The following MORC3 variants were observed in gnomAD, a reference collection of about 807,000 sequenced individuals.
The protein encoded by MORC3 is MORC family CW-type zinc finger 3, also known as MORC family CW-type zinc finger protein 3.
In MORC3, 31 loss-of-function variants were observed where a neutral mutation model predicts 109.1. That is an observed-to-expected ratio of 0.28 (90% CI 0.21 to 0.38). The LOEUF is 0.38. Ranked by LOEUF, MORC3 falls within the 10% of genes least tolerant of loss-of-function variation. MORC3 has a pLI of 1.00. For synonymous variants in MORC3, 395 were observed against 380.7 expected, an observed-to-expected ratio of 1.04 and a Z score of -0.44; for missense variants, 867 against 1,135.8, an observed-to-expected ratio of 0.76 and a Z score of 3.40.
rs34981261 is a variant in MORC3, at chr21:36,356,065, TAAA to T, written c.1104-551_1104-549del. 3.4e-3 allele frequency among the ~76,000 whole-genome samples: 513 copies of T among 152,126 alleles called. 1 individual carries two copies. The highest frequency in any genetic ancestry group is 6.9e-3 in the Admixed American group (105 of 15,244). ...CATGTCATAAGGCACTTGAAGCAAATAAAAAACTTGAGCCCATCAAAATAGCAA... is the reference window on the plus strand; with the variant it reads ...CATGTCATAAGGCACTTGAAGCAAATAAACTTGAGCCCATCAAAATAGCAA... On this transcript the variant is annotated intron_variant, in intron 9 of 16. Transcript: ENST00000400485.
chr21:36,368,902 C>T, intron 14 of MORC3, 86 bp from the exon 15 acceptor site: 1 of 1,263,312 alleles, frequency 7.9e-7, no homozygotes, highest in Non-Finnish European at 1.1e-6. Context: ...TGTTACAATA[C>T]TGCATTTGTT....
In MORC3 at chr21:36,367,161, C is replaced by T. The variant is rs144311933; in HGVS notation, c.1620-1827C>T. 5.2e-3 allele frequency among the ~76,000 whole-genome samples: 786 copies of T among 152,280 alleles called. 5 individuals are homozygous for T. Among genetic ancestry groups the T allele is most frequent in the Non-Finnish European group, 5.5e-3 (377 of 68,036 alleles). On this transcript the variant is annotated intron_variant, in intron 14 of 16. Coordinates refer to ENST00000400485, the MANE Select transcript of MORC3 (RefSeq NM_015358.3). ...AAGATAGGGAATTTACTTTATGGAG[C>T]AGTTTTTACTGCTGAAGATGTACAT...
rs186989834 is a variant in MORC3, at chr21:36,356,492, G to T, written c.1104-128G>T. On this transcript the variant is annotated intron_variant, in intron 9 of 16. Coordinates refer to ENST00000400485, the MANE Select transcript of MORC3 (RefSeq NM_015358.3). Reference sequence around the variant, plus strand: ...GTTGTTCAAGGGTCACCTATACCTTGAATGTTCTTTATTAACTATATGTTT... The same window carrying T: ...GTTGTTCAAGGGTCACCTATACCTTTAATGTTCTTTATTAACTATATGTTT... The T allele has an allele frequency of 8.8e-5, 41 of 465,124 alleles. No individual in the cohort carries two copies. The East Asian group carries it at 1.4e-3, about 16-fold the overall frequency. The allele number at this position is 465,124 out of a possible 1,614,324, so 28.8% of individuals were successfully genotyped here.
At position 36,369,608 on chromosome 21, in the gene MORC3, C is replaced by T. The variant is rs1426490079; in HGVS notation, c.2240C>T (p.Ser747Phe). Reference sequence around the variant, plus strand: ...GTTAAGAAAGAAACTTGCCATCAGTCCACTGAAACCGATGCTGTATTTTTA... The same window carrying T: ...GTTAAGAAAGAAACTTGCCATCAGTTCACTGAAACCGATGCTGTATTTTTA... ...KYVKKETCHQ[S>F]TETDAVFLLE... The change falls in exon 15 of 17, where the codon TCC becomes TTC. Residue 747 changes from serine to phenylalanine, a missense_variant. Transcript: ENST00000400485. 2 of 1,614,166 alleles carry T rather than the reference C, an allele frequency of 1.2e-6. No individual in the cohort carries two copies. The highest frequency in any genetic ancestry group is 1.7e-6 in the Non-Finnish European group (2 of 1,180,044).
rs2085491702 is a variant in MORC3, at chr21:36,344,961, A to G, written c.935A>G (p.His312Arg). ...TFGFNCRNKD[H>R]YGIMMYHRNR... The stretch of plus-strand genomic sequence containing the variant: ...GGATTCAACTGCAGAAATAAAGATC[A>G]TTATGGGATAATGATGTATCACAGA... Residue 312 changes from histidine to arginine, a missense_variant, in exon 8 of 17, where the codon CAT (histidine) becomes CGT (arginine). By Grantham distance (29) the His-to-Arg change is conservative (BLOSUM62 0). Transcript: ENST00000400485. 1 of 1,612,068 alleles carries G rather than the reference A, an allele frequency of 6.2e-7. No homozygotes were observed. The highest frequency in any genetic ancestry group is 8.5e-7 in the Non-Finnish European group (1 of 1,179,090).
intron 9 of MORC3, among the ~76,000 whole-genome samples, chr21:36,350,584 A>G (rs1375671675): frequency 6.6e-6 from 1 of 152,076 alleles, no homozygotes; most frequent in East Asian, 1.9e-4. Context: ...TGGTAGGACT[A>G]ATAAAGTCTA....
At chr21:36,368,647 A>G (rs140655353) in intron 14 of MORC3, among the ~76,000 whole-genome samples, 3,766 of 152,288 alleles carry the variant, frequency 0.025, 66 homozygotes, top group Admixed American at 0.046. Flanking sequence ...AGGCTGTGGC[A>G]GGCAGATTGC....
chr21:36,324,855 G>C (rs571739124), intron 1 of MORC3, among the ~76,000 whole-genome samples: 5 of 152,102 alleles, frequency 3.3e-5, no homozygotes, highest in African/African-American at 1.2e-4. Flanking sequence ...TTACAGGCAT[G>C]CGCCACCATG....
chr21:36,362,285 G>A lies in MORC3; in HGVS notation c.1452+57G>A, dbSNP rs149938745. On this transcript the variant is annotated intron_variant, in intron 13 of 16. Coordinates refer to ENST00000400485, the MANE Select transcript of MORC3 (RefSeq NM_015358.3). ...TAAATAGAGATGGGGGCTGACACCC[G>A]TAATCCCAGCATTTTGGGAGGCCGA... The A allele has an allele frequency of 3.6e-3, 5,510 of 1,530,374 alleles. 16 individuals are homozygous for A. The highest frequency in any genetic ancestry group is 4.5e-3 in the Non-Finnish European group (5,137 of 1,136,596). The allele number at this position is 1,530,374 out of a possible 1,614,324, so 94.8% of individuals were successfully genotyped here.
intron 5 of MORC3, 25 bp from the exon 6 acceptor site, chr21:36,341,374 T>A (rs774723389): frequency 4.4e-6 from 7 of 1,590,612 alleles, no homozygotes; most frequent in Non-Finnish European, 6.0e-6. Context: ...TAAATTTTGG[T>A]TCTTTCTAAA....
At chr21:36,339,700 A>G (rs1462181315) in intron 5 of MORC3, among the ~76,000 whole-genome samples, 1 of 152,158 alleles carries the variant, frequency 6.6e-6, no homozygotes, top group Non-Finnish European at 1.5e-5. Flanking sequence ...CTTCGCAAAT[A>G]AATTTTAAAA....
intron 10 of MORC3, among the ~76,000 whole-genome samples, chr21:36,357,990 C>T (rs2085665105): frequency 6.6e-6 from 1 of 151,282 alleles, no homozygotes; most frequent in Non-Finnish European, 1.5e-5. Context: ...ATCTGCCTGC[C>T]TTGGCCTCCC....
At chr21:36,369,974 C>G in intron 15 of MORC3, 98 bp downstream of exon 15, 1 of 1,416,808 alleles carries the variant, frequency 7.1e-7, no homozygotes, top group Non-Finnish European at 9.5e-7. Context: ...TACCTGTAAT[C>G]CCACCACTTG....
rs1273173161 is a variant in MORC3 at position 36,333,777 on chromosome 21, TTGTTTTGTTTTG to T, written c.112+61_112+72del. On this transcript the variant is annotated intron_variant, in intron 2 of 16. Transcript: ENST00000400485. ...GCTTACAATTGTAGTGTTTTTTTTT[TTGTTTTGTTTTG>T]TTTTTTTTTTTTAAACAGAGTCTCT... is the stretch of plus-strand genomic sequence containing the variant. The T allele has an allele frequency of 1.6e-5, 21 of 1,303,702 alleles. No individual in the cohort carries two copies. In the African/African-American group the frequency reaches 2.7e-4, roughly 17 times the overall value. The allele number at this position is 1,303,702 out of a possible 1,614,324, so 80.8% of individuals were successfully genotyped here. A position where few individuals can be genotyped will look rare whatever the true frequency, so the allele number is the denominator to read the frequency against.
intron 6 of MORC3, among the ~76,000 whole-genome samples, chr21:36,342,848 G>C (rs1358390047): frequency 2.0e-5 from 3 of 151,622 alleles, no homozygotes; most frequent in Non-Finnish European, 2.9e-5. Context: ...GTGAAATCCT[G>C]TCTCTACTAA....
At chr21:36,335,608 G>A (rs535174119) in intron 2 of MORC3, among the ~76,000 whole-genome samples, 1 of 152,096 alleles carries the variant, frequency 6.6e-6, no homozygotes, top group East Asian at 1.9e-4. Flanking sequence ...GAGCCGCTGC[G>A]CCCAGCCCTA....
At chr21:36,358,160 G>C (rs373927878) in intron 10 of MORC3, among the ~76,000 whole-genome samples, 1 of 150,590 alleles carries the variant, frequency 6.6e-6, no homozygotes, top group African/African-American at 2.4e-5. Flanking sequence ...CGAGGCGGGC[G>C]GATCACTTGA....
At chr21:36,372,603 A>T (rs1032093284) in intron 16 of MORC3, 72 bp downstream of exon 16, 1 of 1,416,152 alleles carries the variant, frequency 7.1e-7, no homozygotes, top group African/African-American at 1.5e-5. Flanking sequence ...ATCTGCTAGC[A>T]CCCATCAAAT....
At chr21:36,329,741 A>T (rs1264941698) in intron 1 of MORC3, among the ~76,000 whole-genome samples, 1 of 152,228 alleles carries the variant, frequency 6.6e-6, no homozygotes, top group Non-Finnish European at 1.5e-5. Context: ...AAATAAAAAT[A>T]ATTCTAAATA....
Sources: allele counts gnomAD v4.1 joint callset (sites outside exome capture counted in the v4.1 genomes callset), GRCh38; gene constraint gnomAD v4.1.1; transcripts MANE v1.5; gene names NCBI Gene and HGNC (gene_info 2026-07-23, HGNC 2026-07-21).